The following RPH3AL variants were observed in gnomAD, a reference collection of about 807,000 sequenced individuals.
RPH3AL encodes rab effector Noc2.
In RPH3AL, 38 loss-of-function variants were observed where a neutral mutation model predicts 43.1. The observed-to-expected ratio is 0.88, with a 90% CI of 0.68 to 1.15. The LOEUF is 1.15. RPH3AL is among the 50% of genes most tolerant of loss of function. The pLI, the probability that RPH3AL is intolerant of heterozygous loss-of-function variation, is 0.00. For synonymous variants in RPH3AL, 189 were observed against 176.3 expected (o/e 1.07, Z -0.57); for missense variants, 462 against 423.2 (o/e 1.09, Z -0.81).
rs2044675872 is a variant in RPH3AL at position 328,714 on chromosome 17, A to G, written c.-36-1135T>C. Among the ~76,000 whole-genome samples, 1 of 151,918 alleles carries G rather than the reference A, an allele frequency of 6.6e-6. No individual in the cohort carries two copies. Among genetic ancestry groups the G allele is most frequent in the East Asian group, 1.9e-4 (1 of 5,174 alleles). On this transcript the variant is annotated intron_variant, in intron 2 of 9. Coordinates refer to ENST00000331302, the MANE Select transcript of RPH3AL (RefSeq NM_006987.4). The surrounding 1 kb of genome is among the most constrained non-coding windows in gnomAD (Gnocchi z 4.2). Reference sequence around the variant, plus strand: ...ATCCATACGATGATTATTATTTACAATGGATTATGATTTACAATGGATTAT... The same window carrying G: ...ATCCATACGATGATTATTATTTACAGTGGATTATGATTTACAATGGATTAT...
intron 7 of RPH3AL, among the ~76,000 whole-genome samples, chr17:231,428 A>G (rs1014083820): frequency 6.6e-6 from 1 of 152,230 alleles, no homozygotes; most frequent in Non-Finnish European, 1.5e-5. Context: ...CTGGACCACC[A>G]GCGGGAAATC....
chr17:265,105 G>C (rs750092504), intron 6 of RPH3AL, among the ~76,000 whole-genome samples: 5 of 152,100 alleles, frequency 3.3e-5, no homozygotes, highest in African/African-American at 9.7e-5. Context: ...TTTCTTCTTT[G>C]AGACAGGGCC....
intron 7 of RPH3AL, among the ~76,000 whole-genome samples, chr17:237,558 G>A (rs2041427791): frequency 6.6e-6 from 1 of 152,228 alleles, no homozygotes. Context: ...CTGTGTCCCA[G>A]CCTGGGAGCT....
intron 5 of RPH3AL, among the ~76,000 whole-genome samples, chr17:307,006 G>A (rs1413826034): frequency 3.9e-5 from 6 of 151,996 alleles, no homozygotes; most frequent in African/African-American, 9.7e-5. Context: ...CTCCAGGCCC[G>A]GCTGCCACAT....
intron 1 of RPH3AL, among the ~76,000 whole-genome samples, chr17:344,410 C>T (rs1304469150): frequency 7.6e-6 from 1 of 131,930 alleles, no homozygotes; most frequent in Non-Finnish European, 1.7e-5. Flanking sequence ...TCACCATCAT[C>T]ACCCACATCA....
chr17:320,512 C>G (rs925937595), intron 4 of RPH3AL, among the ~76,000 whole-genome samples: 2 of 151,922 alleles, frequency 1.3e-5, no homozygotes, highest in Non-Finnish European at 2.9e-5. Context: ...GTGGTGGTGC[C>G]CACGCACGGT....
At chr17:325,104 G>A (rs1255520943) in intron 3 of RPH3AL, among the ~76,000 whole-genome samples, 5 of 151,554 alleles carry the variant, frequency 3.3e-5, no homozygotes, top group Admixed American at 6.6e-5. Flanking sequence ...CAGGTGATCC[G>A]CCCGCCTCAG....
chr17:273,073 TCAGGGA>T (rs2042544263), intron 6 of RPH3AL, among the ~76,000 whole-genome samples: 2 of 140,470 alleles, frequency 1.4e-5, no homozygotes, highest in African/African-American at 5.2e-5. Context: ...GAGGGCGACG[TCAGGGA>T]GAGACCCCAG....
intron 1 of RPH3AL, chr17:335,878 G>T (rs2044940844): frequency 6.6e-6 from 1 of 152,180 alleles, no homozygotes; most frequent in Non-Finnish European, 1.5e-5. Flanking sequence ...GGGCTGGGTT[G>T]AAAAGGGGCT....
chr17:314,398 G>C (rs557842948), intron 5 of RPH3AL, among the ~76,000 whole-genome samples: 2 of 151,856 alleles, frequency 1.3e-5, no homozygotes, highest in Non-Finnish European at 2.9e-5. Context: ...CCATTCCCAA[G>C]TCTCTGTGCC....
chr17:265,131 G>A (rs782158946), intron 6 of RPH3AL, among the ~76,000 whole-genome samples: 3 of 152,182 alleles, frequency 2.0e-5, no homozygotes, highest in African/African-American at 4.8e-5. Flanking sequence ...CTGTTACCCA[G>A]GCTGGAATGT....
chr17:299,854 C>A (rs1018954357), intron 5 of RPH3AL, among the ~76,000 whole-genome samples: 1 of 152,276 alleles, frequency 6.6e-6, no homozygotes. Flanking sequence ...AGAGGCTACA[C>A]TGACCAGACC....
Position 225,149 on chromosome 17 carries a change from C to T in RPH3AL, c.614-5413G>A, listed in dbSNP as rs986009976. Among the ~76,000 whole-genome samples, 9 of 149,924 alleles carry T rather than the reference C, an allele frequency of 6.0e-5. No individual in the cohort carries two copies. Among genetic ancestry groups the T allele is most frequent in the Non-Finnish European group, 1.0e-4 (7 of 67,638 alleles). On this transcript the variant is annotated intron_variant, in intron 7 of 9. Coordinates refer to ENST00000331302, the MANE Select transcript of RPH3AL (RefSeq NM_006987.4). This position sits in a 1 kb window ranked among gnomAD's most constrained non-coding sequence, Gnocchi z 4.4. The stretch of plus-strand genomic sequence containing the variant: ...AAAAAAAGAGTGATGAGCATGGGAT[C>T]AGGCCTGGCCTCTCCTTCCTCCATC...
intron 7 of RPH3AL, among the ~76,000 whole-genome samples, chr17:235,987 A>G (rs1367528895): frequency 1.3e-5 from 2 of 150,334 alleles, no homozygotes; most frequent in Non-Finnish European, 1.5e-5. Flanking sequence ...GCTCTACACT[A>G]ACAAGACGGG....
chr17:230,941 C>T (rs2041218185), intron 7 of RPH3AL, among the ~76,000 whole-genome samples: 2 of 152,208 alleles, frequency 1.3e-5, no homozygotes, highest in South Asian at 4.1e-4. Flanking sequence ...CCGCCTTGGC[C>T]TCCCGAAGTG....
At chr17:301,215 C>T (rs536530118) in intron 5 of RPH3AL, among the ~76,000 whole-genome samples, 9 of 152,364 alleles carry the variant, frequency 5.9e-5, no homozygotes, top group East Asian at 5.8e-4. Flanking sequence ...CCACCTTATT[C>T]GAAAGTGGGA....
intron 6 of RPH3AL, among the ~76,000 whole-genome samples, chr17:252,186 G>T (rs1555542802): frequency 6.6e-6 from 1 of 151,884 alleles, no homozygotes; most frequent in African/African-American, 2.4e-5. Context: ...TGTTACTCAG[G>T]CTGGTCTCTA....
intron 7 of RPH3AL, among the ~76,000 whole-genome samples, chr17:226,855 A>G (rs1224482218): frequency 1.3e-5 from 2 of 152,088 alleles, no homozygotes; most frequent in Non-Finnish European, 2.9e-5. Flanking sequence ...TCCATCCTCA[A>G]CATAACACTC....
At chr17:282,299 G>A (rs1228089399) in intron 5 of RPH3AL, among the ~76,000 whole-genome samples, 1 of 152,210 alleles carries the variant, frequency 6.6e-6, no homozygotes, top group Non-Finnish European at 1.5e-5. Flanking sequence ...ACTGGCCTGC[G>A]TGTCCGACAG....
Sources: allele counts gnomAD v4.1 joint callset (sites outside exome capture counted in the v4.1 genomes callset), GRCh38; gene constraint gnomAD v4.1.1; non-coding constraint Gnocchi (gnomAD v3.1); transcripts MANE v1.5; gene names NCBI Gene and HGNC (gene_info 2026-07-23, HGNC 2026-07-21).